PANX1: variants seen among roughly 807,000 people sequenced by gnomAD.
The protein encoded by PANX1 is pannexin 1.
PANX1 carries 30 observed loss-of-function variants against 38.7 expected under a neutral mutation model. The ratio of observed to expected loss-of-function variants is 0.78; its 90% CI spans 0.58 to 1.05. The LOEUF is 1.05. PANX1 is among the 50% of genes least tolerant of loss of function. The pLI is 0.00. For synonymous variants in PANX1, 230 were observed against 212.2 expected (o/e 1.08, Z -0.73); for missense variants, 551 against 517.2 (o/e 1.07, Z -0.63).
chr11:94,148,539 G>T (rs558835780), intron 1 of PANX1, among the ~76,000 whole-genome samples: 1 of 152,018 alleles, frequency 6.6e-6, no homozygotes, highest in East Asian at 1.9e-4. Flanking sequence ...ACACATTCAG[G>T]GTCCTCTTTG....
intron 2 of PANX1, among the ~76,000 whole-genome samples, chr11:94,155,974 G>A (rs1393247359): frequency 6.6e-6 from 1 of 152,286 alleles, no homozygotes; most frequent in East Asian, 1.9e-4. Flanking sequence ...TTTTACTGTT[G>A]TAGTTTAAGT....
rs187445142 is a variant in PANX1, at chr11:94,153,527, C to T, written c.218C>T (p.Ser73Phe). Residue 73 changes from serine to phenylalanine, a missense_variant, in exon 2 of 5, where the codon TCC (serine) becomes TTC (phenylalanine). By Grantham distance (155) the Ser-to-Phe change is radical. Transcript: ENST00000227638. ...AGCTGTTTCTCTCCAAGTTCTTTCT[C>T]CTGGCGTCAGGCTGCCTTTGTGGAT... ...QISCFSPSSF[S>F]WRQAAFVDSY... 1.9e-6 allele frequency: 3 copies of T among 1,614,154 alleles called. No homozygotes were observed. The highest frequency in any genetic ancestry group is 1.7e-6 in the Non-Finnish European group (2 of 1,180,006).
intron 1 of PANX1, among the ~76,000 whole-genome samples, chr11:94,148,017 A>G (rs1386317697): frequency 2.6e-5 from 4 of 152,182 alleles, no homozygotes; most frequent in African/African-American, 9.7e-5. Context: ...AGCCAGGCTT[A>G]GCTGTGGGAA....
At chr11:94,142,995 G>C (rs1199985779) in intron 1 of PANX1, among the ~76,000 whole-genome samples, 1 of 152,224 alleles carries the variant, frequency 6.6e-6, no homozygotes, top group African/African-American at 2.4e-5. Context: ...CATCTGTCAT[G>C]AGTTTTTGTC....
At chr11:94,139,182 G>T (rs1946733315) in intron 1 of PANX1, among the ~76,000 whole-genome samples, 1 of 152,076 alleles carries the variant, frequency 6.6e-6, no homozygotes, top group African/African-American at 2.4e-5. Flanking sequence ...CATCCATTTT[G>T]TCACTGCTTT....
In PANX1 at chr11:94,179,810, A is replaced by T; in HGVS notation, c.754A>T (p.Ile252Phe). 1 of 1,614,144 alleles carries T rather than the reference A, an allele frequency of 6.2e-7. No individual in the cohort carries two copies. Among genetic ancestry groups the T allele is most frequent in the Non-Finnish European group, 8.5e-7 (1 of 1,180,026 alleles). Residue 252 changes from isoleucine to phenylalanine, a missense_variant, in exon 4 of 5, where the codon ATC (isoleucine) becomes TTC (phenylalanine). By Grantham distance (21) the Ile-to-Phe change is conservative. Transcript: ENST00000227638. ...GTTTGTGTGCAGCATCAAATCAGGG[A>T]TCCTGAGAAACGACAGCACCGTGCC... ...DEFVCSIKSG[I>F]LRNDSTVPDQ...
chr11:94,137,133 G>A (rs1455345229), intron 1 of PANX1, among the ~76,000 whole-genome samples: 8 of 152,014 alleles, frequency 5.3e-5, no homozygotes, highest in Non-Finnish European at 1.0e-4. Context: ...ATGAAACTCC[G>A]TCTCTACTTA....
At chr11:94,129,524 C>A (rs771754751) in intron 1 of PANX1, 31 bp downstream of exon 1, 1 of 1,575,606 alleles carries the variant, frequency 6.3e-7, no homozygotes, top group South Asian at 1.1e-5. Flanking sequence ...AGGGGAGTGG[C>A]CGCCCCGGTC....
intron 1 of PANX1, among the ~76,000 whole-genome samples, chr11:94,150,886 A>T (rs535017225): frequency 6.6e-6 from 1 of 152,226 alleles, no homozygotes; most frequent in Non-Finnish European, 1.5e-5. Flanking sequence ...CCATTCCAAC[A>T]AAGCCCTGGT....
intron 1 of PANX1, among the ~76,000 whole-genome samples, chr11:94,146,411 G>A (rs1946829161): frequency 6.6e-6 from 1 of 152,168 alleles, no homozygotes; most frequent in African/African-American, 2.4e-5. Context: ...AGTGTGTTCT[G>A]GGACACAATA....
chr11:94,153,118 C>G (rs1194556246), intron 1 of PANX1, among the ~76,000 whole-genome samples: 1 of 152,196 alleles, frequency 6.6e-6, no homozygotes, highest in Non-Finnish European at 1.5e-5. Flanking sequence ...AGGTGCCTCA[C>G]TGACCCTCCC....
intron 2 of PANX1, among the ~76,000 whole-genome samples, chr11:94,161,371 G>A (rs1164048121): frequency 2.6e-5 from 4 of 152,134 alleles, no homozygotes; most frequent in South Asian, 2.1e-4. Context: ...CCAATCAGAC[G>A]CAGATTTGGT....
chr11:94,139,136 TC>T (rs1946732954), intron 1 of PANX1, among the ~76,000 whole-genome samples: 1 of 152,228 alleles, frequency 6.6e-6, no homozygotes, highest in Non-Finnish European at 1.5e-5. Flanking sequence ...TTTATATTGT[TC>T]CACTGGTCTA....
intron 1 of PANX1, among the ~76,000 whole-genome samples, chr11:94,136,576 C>G (rs1030847645): frequency 6.6e-6 from 1 of 151,898 alleles, no homozygotes. Flanking sequence ...GTCAGGAGAT[C>G]GAGACCACGG....
intron 2 of PANX1, among the ~76,000 whole-genome samples, chr11:94,157,779 C>T (rs982605018): frequency 6.6e-6 from 1 of 152,070 alleles, no homozygotes; most frequent in Non-Finnish European, 1.5e-5. Context: ...GCTTTTGTTG[C>T]CATTGCTTTT....
chr11:94,149,557 G>A (rs1946863255), intron 1 of PANX1, among the ~76,000 whole-genome samples: 1 of 152,206 alleles, frequency 6.6e-6, no homozygotes, highest in Admixed American at 6.5e-5. Flanking sequence ...TAAATGTAAA[G>A]CCCACAGCTG....
rs1741114186 is a variant in PANX1 at position 94,181,067 on chromosome 11, G to C, written c.*198G>C. On this transcript the variant is annotated 3_prime_UTR_variant, in exon 5 of 5. Coordinates refer to ENST00000227638, the MANE Select transcript of PANX1 (RefSeq NM_015368.4). Reference sequence around the variant, plus strand: ...AGAATGGTTTATGAACTTCCCATAGGAAGCACCTGAGAGATAGTAAACTGC... The same window carrying C: ...AGAATGGTTTATGAACTTCCCATAGCAAGCACCTGAGAGATAGTAAACTGC... The C allele has an allele frequency of 1.8e-6, 1 of 566,670 alleles. No individual in the cohort carries two copies. Among genetic ancestry groups the C allele is most frequent in the African/African-American group, 1.9e-5 (1 of 53,214 alleles). 35.1% of individuals were successfully genotyped at this position (566,670 alleles called of 1,614,324 possible).
At chr11:94,166,961 T>C (rs1355520313) in intron 2 of PANX1, among the ~76,000 whole-genome samples, 1 of 151,548 alleles carries the variant, frequency 6.6e-6, no homozygotes, top group African/African-American at 2.4e-5. Flanking sequence ...TATGTCCTGA[T>C]TGGCACTCAG....
intron 2 of PANX1, among the ~76,000 whole-genome samples, chr11:94,174,441 C>T (rs1469844842): frequency 6.6e-6 from 1 of 151,606 alleles, no homozygotes; most frequent in East Asian, 1.9e-4. Flanking sequence ...TGAGTCTTAA[C>T]ATAAGGCTTT....
Sources: allele counts gnomAD v4.1 joint callset (sites outside exome capture counted in the v4.1 genomes callset), GRCh38; gene constraint gnomAD v4.1.1; transcripts MANE v1.5; gene names NCBI Gene and HGNC (gene_info 2026-07-23, HGNC 2026-07-21).